Variants in PIM3 observed in about 807,000 individuals in gnomAD.
The protein encoded by PIM3 is serine/threonine-protein kinase pim-3.
A neutral mutation model predicts 27.5 loss-of-function variants in PIM3; 13 were observed. The observed-to-expected ratio is 0.47, with a 90% CI of 0.31 to 0.75. PIM3 has a LOEUF of 0.75. Among genes scored for constraint, PIM3 ranks in the 30% least tolerant of loss-of-function variants. The pLI, the probability that PIM3 is intolerant of heterozygous loss-of-function variation, is 0.05. For synonymous variants in PIM3, 341 were observed against 221.1 expected (o/e 1.54, Z -4.81); for missense variants, 482 against 476.9 (o/e 1.01, Z -0.10).
Position 49,963,067 on chromosome 22 carries a change from G to T in PIM3, c.921G>T (p.Arg307=). 6.2e-7 allele frequency: 1 copy of T among 1,611,870 alleles called. No individual in the cohort carries two copies. Residue 307 remains arginine (R), a synonymous_variant, in exon 6 of 6, where the codon CGG becomes CGT. Transcript: ENST00000360612. ...DGGVPESCDL[R]LCTLDPDDVA... ...GCGTCCCGGAGAGCTGTGACCTGCGGCTGTGCACCCTCGACCCTGATGACG... is the reference window on the plus strand; with the variant it reads ...GCGTCCCGGAGAGCTGTGACCTGCGTCTGTGCACCCTCGACCCTGATGACG...
chr22:49,963,295 A>C lies in PIM3; in HGVS notation c.*168A>C, dbSNP rs561154155. On this transcript the variant is annotated 3_prime_UTR_variant, in exon 6 of 6. Transcript: ENST00000360612. ...GCCTTTTGAACGCTGGTCCCGCGGG[A>C]CTTGGTTTTCTCAAGCTCTGTCTGT... is the stretch of plus-strand genomic sequence containing the variant. 4.9e-5 allele frequency: 37 copies of C among 751,690 alleles called. No individual in the cohort carries two copies. In the Middle Eastern group the frequency reaches 1.2e-3, roughly 24 times the overall value. 46.6% of individuals were successfully genotyped at this position (751,690 alleles called of 1,614,324 possible).
chr22:49,962,922 C>T lies in PIM3; in HGVS notation c.794-18C>T, dbSNP rs374423701. ...CTCGCCCTGCTTGGGCCCTCCCTGA[C>T]CTCTCCGCTCCGCACAGAGTGCCAG... is the stretch of plus-strand genomic sequence containing the variant. On this transcript the variant is annotated intron_variant, in intron 5 of 5. Transcript: ENST00000360612. 7.4e-5 allele frequency: 118 copies of T among 1,599,092 alleles called. No individual in the cohort carries two copies. The highest frequency in any genetic ancestry group is 4.2e-4 in the East Asian group (19 of 44,804).
chr22:49,961,061 C>T (rs1179755837), intron 1 of PIM3, 29 bp downstream of exon 1: 2 of 1,355,410 alleles, frequency 1.5e-6, no homozygotes, highest in Admixed American at 3.2e-5. Flanking sequence ...GGGCCGGGGC[C>T]GGGGCCAGGG....
At position 49,961,043 on chromosome 22, in the gene PIM3, G is replaced by T; in HGVS notation, c.85+11G>T. On this transcript the variant is annotated intron_variant, in intron 1 of 5. Transcript: ENST00000360612. ...AGATCCTGCAGCCAGGTACGCGCGG[G>T]GCCGGCGGGGCCGGGGCCGGGGCCA... The T allele has an allele frequency of 7.4e-7, 1 of 1,348,366 alleles. No homozygotes were observed. The highest frequency in any genetic ancestry group is 1.5e-5 in the African/African-American group (1 of 65,268). 83.5% of individuals were successfully genotyped at this position (1,348,366 alleles called of 1,614,324 possible).
Position 49,961,046 on chromosome 22 carries a change from C to A in PIM3, c.85+14C>A. 7.4e-7 allele frequency: 1 copy of A among 1,348,772 alleles called. No individual in the cohort carries two copies. Among genetic ancestry groups the A allele is most frequent in the Non-Finnish European group, 9.6e-7 (1 of 1,040,562 alleles). The allele number at this position is 1,348,772 out of a possible 1,614,324, so 83.6% of individuals were successfully genotyped here. A position where few individuals can be genotyped will look rare whatever the true frequency, so the allele number is the denominator to read the frequency against. ...TCCTGCAGCCAGGTACGCGCGGGGC[C>A]GGCGGGGCCGGGGCCGGGGCCAGGG... On this transcript the variant is annotated intron_variant, in intron 1 of 5. Transcript: ENST00000360612.
In PIM3 at chr22:49,963,217, T is replaced by G; in HGVS notation, c.*90T>G. On this transcript the variant is annotated 3_prime_UTR_variant, in exon 6 of 6. Transcript: ENST00000360612. ...CCCTGACTTTCTCCTGCGTGGGCCG[T>G]CTCCTCCTGCGGAAGCAGTGACCTC... is the stretch of plus-strand genomic sequence containing the variant. 2 of 1,374,810 alleles carry G rather than the reference T, an allele frequency of 1.5e-6. No individual in the cohort carries two copies. Among genetic ancestry groups the G allele is most frequent in the Non-Finnish European group, 1.9e-6 (2 of 1,039,252 alleles). 85.2% of individuals were successfully genotyped at this position (1,374,810 alleles called of 1,614,324 possible). A position where few individuals can be genotyped will look rare whatever the true frequency, so the allele number is the denominator to read the frequency against.
Position 49,960,789 on chromosome 22 carries a change from T to G in PIM3, c.-159T>G, listed in dbSNP as rs1412240027. 1 of 286,138 alleles carries G rather than the reference T, an allele frequency of 3.5e-6. No homozygotes were observed. The highest frequency in any genetic ancestry group is 1.4e-4 in the East Asian group (1 of 6,958). The allele number at this position is 286,138 out of a possible 1,614,324, so 17.7% of individuals were successfully genotyped here. Reference sequence around the variant, plus strand: ...GCCGGGGCGGGTGAGGCGCTCCGCCTGCTGCGCGTCTACGCGGTCCCCGCG... The same window carrying G: ...GCCGGGGCGGGTGAGGCGCTCCGCCGGCTGCGCGTCTACGCGGTCCCCGCG... On this transcript the variant is annotated 5_prime_UTR_variant, in exon 1 of 6. Coordinates refer to ENST00000360612, the MANE Select transcript of PIM3 (RefSeq NM_001001852.4).
In PIM3 at chr22:49,962,645, G is replaced by A. The variant is rs199910499; in HGVS notation, c.617-44G>A. On this transcript the variant is annotated intron_variant, in intron 4 of 5. Transcript: ENST00000360612. ...CAGGGACCTCGCCGTCTGTTGAGCGGCTCTGCCTCTGTGGTGGGCGTGCTA... is the reference window on the plus strand; with the variant it reads ...CAGGGACCTCGCCGTCTGTTGAGCGACTCTGCCTCTGTGGTGGGCGTGCTA... The A allele has an allele frequency of 3.2e-6, 5 of 1,575,658 alleles. No individual in the cohort carries two copies. In the African/African-American group the frequency reaches 5.4e-5, roughly 17 times the overall value.
rs774967566 is a variant in PIM3, at chr22:49,961,222, C to T, written c.183C>T (p.Ala61=). Residue 61 remains alanine, a synonymous_variant, in exon 2 of 6, where the codon GCC becomes GCT. Coordinates refer to ENST00000360612, the MANE Select transcript of PIM3 (RefSeq NM_001001852.4). ...FGTVYAGSRI[A]DGLPVAVKHV... is the part of the protein sequence containing the mutation. Reference sequence around the variant, plus strand: ...CGGTCTACGCGGGTAGCCGCATCGCCGACGGGCTCCCGGTGAGTCGGACCG... The same window carrying T: ...CGGTCTACGCGGGTAGCCGCATCGCTGACGGGCTCCCGGTGAGTCGGACCG... 4.6e-6 allele frequency: 7 copies of T among 1,533,660 alleles called. No individual in the cohort carries two copies. Among genetic ancestry groups the T allele is most frequent in the South Asian group, 3.6e-5 (3 of 82,656 alleles).
intron 4 of PIM3, 71 bp downstream of exon 4, chr22:49,961,882 C>T (rs2060909397): frequency 1.3e-6 from 2 of 1,575,898 alleles, no homozygotes; most frequent in African/African-American, 1.4e-5. Context: ...AGGGGCGGCA[C>T]ATGGAGGGGC....
In PIM3 at chr22:49,962,985, A is replaced by T; in HGVS notation, c.839A>T (p.Glu280Val). The change falls in exon 6 of 6, where the codon GAG becomes GTG. Residue 280 changes from glutamate to valine, a missense_variant. Transcript: ENST00000360612. ...TGGTGCCTGTCCCTGCGGCCCTCAG[A>T]GCGGCCGTCGCTGGATCAGATTGCG... ...IRWCLSLRPSERPSLDQIAAH... is the reference protein window; with the variant it reads ...IRWCLSLRPSVRPSLDQIAAH... 6.2e-7 allele frequency: 1 copy of T among 1,610,540 alleles called. No homozygotes were observed. Among genetic ancestry groups the T allele is most frequent in the Non-Finnish European group, 8.5e-7 (1 of 1,179,716 alleles).
rs2060923302 is a variant in PIM3 at position 49,963,887 on chromosome 22, C to G, written c.*760C>G. The G allele has an allele frequency of 2.6e-5, 4 of 152,446 alleles. No individual in the cohort carries two copies. The highest frequency in any genetic ancestry group is 9.6e-5 in the African/African-American group (4 of 41,454). The allele number at this position is 152,446 out of a possible 1,614,324, so 9.4% of individuals were successfully genotyped here. On this transcript the variant is annotated 3_prime_UTR_variant, in exon 6 of 6. Coordinates refer to ENST00000360612, the MANE Select transcript of PIM3 (RefSeq NM_001001852.4). ...TTTTAAATTATTGACTTTGTACAGT[C>G]TGCTTGTGGGCTCTGAAAGCTGGGG...
intron 4 of PIM3, among the ~76,000 whole-genome samples, chr22:49,962,047 G>A (rs2060910233): frequency 6.6e-6 from 1 of 152,116 alleles, no homozygotes; most frequent in Non-Finnish European, 1.5e-5. Context: ...CCATCGCGTT[G>A]GGGGGTACGG....
chr22:49,960,928 C>A lies in PIM3; in HGVS notation c.-20C>A. 7.7e-7 allele frequency: 1 copy of A among 1,293,226 alleles called. No homozygotes were observed. The highest frequency in any genetic ancestry group is 9.9e-7 in the Non-Finnish European group (1 of 1,011,624). 80.1% of individuals were successfully genotyped at this position (1,293,226 alleles called of 1,614,324 possible). On this transcript the variant is annotated 5_prime_UTR_variant, in exon 1 of 6. Coordinates refer to ENST00000360612, the MANE Select transcript of PIM3 (RefSeq NM_001001852.4). ...CTTCGGCGCCTGGGGCTCGGGGCTC[C>A]GGGGAGGCCGTCGCCCGCGATGCTG...
intron 4 of PIM3, 82 bp downstream of exon 4, chr22:49,961,893 T>C: frequency 6.4e-7 from 1 of 1,556,884 alleles, no homozygotes; most frequent in Non-Finnish European, 8.7e-7. Flanking sequence ...ATGGAGGGGC[T>C]GATGACTGTT....
rs745885702 is a variant in PIM3 at position 49,962,959 on chromosome 22, G to C, written c.813G>C (p.Arg271=). ...GCACAGAGTGCCAGCAGCTGATCCG[G>C]TGGTGCCTGTCCCTGCGGCCCTCAG... is the stretch of plus-strand genomic sequence containing the variant. The part of the protein sequence containing the change: ...RVSPECQQLI[R]WCLSLRPSER... The change falls in exon 6 of 6, where the codon CGG becomes CGC. Residue 271 remains arginine (R), a synonymous_variant. Transcript: ENST00000360612. The C allele has an allele frequency of 3.1e-6, 5 of 1,607,540 alleles. No individual in the cohort carries two copies. Among genetic ancestry groups the C allele is most frequent in the Non-Finnish European group, 4.2e-6 (5 of 1,179,186 alleles).
In PIM3 at chr22:49,962,701, A is replaced by G; in HGVS notation, c.629A>G (p.Tyr210Cys). 1.2e-6 allele frequency: 2 copies of G among 1,610,988 alleles called. No individual in the cohort carries two copies. The highest frequency in any genetic ancestry group is 1.7e-6 in the Non-Finnish European group (2 of 1,179,154). The change falls in exon 5 of 6, where the codon TAC becomes TGC. Residue 210 changes from tyrosine to cysteine, a missense_variant. Transcript: ENST00000360612. Reference protein sequence around the residue: ...VYTDFDGTRVYSPPEWIRYHR... With the variant: ...VYTDFDGTRVCSPPEWIRYHR... Reference sequence around the variant, plus strand: ...TGTGTCCCCTTAGGCACCCGAGTGTACAGCCCCCCGGAGTGGATCCGCTAC... The same window carrying G: ...TGTGTCCCCTTAGGCACCCGAGTGTGCAGCCCCCCGGAGTGGATCCGCTAC...
chr22:49,961,862 TA>T (rs980312942), intron 4 of PIM3, 51 bp downstream of exon 4: 9 of 1,598,028 alleles, frequency 5.6e-6, no homozygotes, highest in African/African-American at 1.3e-5. Context: ...GCCGGCGGGT[TA>T]ACGCCTGCAG....
intron 4 of PIM3, among the ~76,000 whole-genome samples, 200 bp downstream of exon 4, chr22:49,962,011 T>C (rs2060910032): frequency 6.6e-6 from 1 of 151,800 alleles, no homozygotes; most frequent in Non-Finnish European, 1.5e-5. Context: ...GGGTGGGGGC[T>C]AGGGGCGCGC....
Sources: gnomAD v4.1 joint callset for allele counts (sites outside exome capture counted in the v4.1 genomes callset) on GRCh38, gnomAD v4.1.1 for gene constraint, MANE v1.5 for transcripts, NCBI Gene and HGNC (gene_info 2026-07-23, HGNC 2026-07-21) for gene names.